RANBP2: variants seen among roughly 807,000 people sequenced by gnomAD.
The protein encoded by RANBP2 is RAN binding protein 2.
A neutral mutation model predicts 303.6 loss-of-function variants in RANBP2; 57 were observed. That is an observed-to-expected ratio of 0.19 (90% CI 0.15 to 0.23). RANBP2 has a LOEUF of 0.23. RANBP2 is among the 10% of genes least tolerant of loss of function. The pLI is 1.00. For synonymous variants in RANBP2, 1,167 were observed against 1,301.5 expected (o/e 0.90, Z 2.23); for missense variants, 3,138 against 3,780.8 (o/e 0.83, Z 4.46).
the RANBP2 span, chr2:108,794,513 A>C: frequency 6.4e-7 from 1 of 1,567,870 alleles, no homozygotes; most frequent in African/African-American, 1.4e-5. Context: ...AATAAAGTTT[A>C]TAATGCAAAT....
the RANBP2 span, among the ~76,000 whole-genome samples, chr2:109,403,415 G>T: frequency 1.9e-4 from 29 of 152,356 alleles, no homozygotes; most frequent in African/African-American, 6.3e-4. Flanking sequence ...CCACTTCAGA[G>T]ATGAGGAAGC....
the RANBP2 span, among the ~76,000 whole-genome samples, chr2:109,209,067 G>A: frequency 1.3e-5 from 2 of 152,174 alleles, no homozygotes; most frequent in Admixed American, 1.3e-4. Flanking sequence ...CCAACTTTCC[G>A]TGGCAGCCAG....
chr2:109,589,684 G>A, the RANBP2 span, among the ~76,000 whole-genome samples: 1 of 151,980 alleles, frequency 6.6e-6, no homozygotes, highest in South Asian at 2.1e-4. Flanking sequence ...CAGTTGCTTT[G>A]GAAACTAGCT....
At chr2:109,695,836 T>C in the RANBP2 span, among the ~76,000 whole-genome samples, 12 of 152,232 alleles carry the variant, frequency 7.9e-5, no homozygotes, top group African/African-American at 2.9e-4. Flanking sequence ...CCAAAAAGGT[T>C]TTTTTTGTTG....
At chr2:109,624,446 A>G in the RANBP2 span, among the ~76,000 whole-genome samples, 1 of 152,158 alleles carries the variant, frequency 6.6e-6, no homozygotes, top group Non-Finnish European at 1.5e-5. Context: ...TGATTTCACT[A>G]CTAGAGTGTT....
chr2:108,984,190 A>C, the RANBP2 span, among the ~76,000 whole-genome samples: 1 of 151,960 alleles, frequency 6.6e-6, no homozygotes, highest in African/African-American at 2.4e-5. Flanking sequence ...CTCTCCTGCC[A>C]CCCTTCCTGC....
Position 108,768,485 on chromosome 2 carries a change from A to C in RANBP2, c.7849+97A>C, listed in dbSNP as rs1677269664. 4 of 1,596,044 alleles carry C rather than the reference A, an allele frequency of 2.5e-6. No homozygotes were observed. The African/African-American group carries it at 5.4e-5, about 21-fold the overall frequency. ...GTAGGATACTAATGTTGGGATATAA[A>C]TGATGCTTTGTGAACACCCCCAAAA... On this transcript the variant is annotated intron_variant, in intron 20 of 28. Transcript: ENST00000283195.
the RANBP2 span, among the ~76,000 whole-genome samples, chr2:109,052,509 A>G: frequency 6.6e-6 from 1 of 152,232 alleles, no homozygotes; most frequent in East Asian, 1.9e-4. Context: ...GAAAGCAGCA[A>G]ACAAACCAAT....
chr2:109,258,973 A>G, the RANBP2 span, among the ~76,000 whole-genome samples: 2 of 152,148 alleles, frequency 1.3e-5, no homozygotes, highest in South Asian at 2.1e-4. Flanking sequence ...GGGCATCCGC[A>G]TGCCCTCTCT....
chr2:109,521,759 G>T, the RANBP2 span, among the ~76,000 whole-genome samples: 1 of 152,202 alleles, frequency 6.6e-6, no homozygotes, highest in Non-Finnish European at 1.5e-5. Context: ...AGTCCCCTGA[G>T]CAAAGCCTAG....
the RANBP2 span, among the ~76,000 whole-genome samples, chr2:109,204,701 C>T: frequency 1.3e-5 from 2 of 152,192 alleles, no homozygotes; most frequent in Admixed American, 6.5e-5. Flanking sequence ...TTCTAGCAGT[C>T]TCTTACTTTG....
chr2:109,209,658 T>C, the RANBP2 span, among the ~76,000 whole-genome samples: 1 of 152,144 alleles, frequency 6.6e-6, no homozygotes, highest in Non-Finnish European at 1.5e-5. Flanking sequence ...AGTCGACTGC[T>C]CCTCTGGCAA....
the RANBP2 span, among the ~76,000 whole-genome samples, chr2:109,747,743 C>CAA: frequency 2.1e-4 from 24 of 113,838 alleles, no homozygotes; most frequent in Admixed American, 1.2e-3. Flanking sequence ...AACCCTGTCT[C>CAA]AAAAAAAAAA....
the RANBP2 span, among the ~76,000 whole-genome samples, chr2:109,453,832 CA>C: frequency 6.6e-6 from 1 of 152,172 alleles, no homozygotes; most frequent in African/African-American, 2.4e-5. Context: ...CAGCCCAGGT[CA>C]GGGGAGACTT....
chr2:109,274,864 G>T, the RANBP2 span, among the ~76,000 whole-genome samples: 1 of 151,024 alleles, frequency 6.6e-6, no homozygotes, highest in Non-Finnish European at 1.5e-5. Context: ...ATGTAAAATT[G>T]TCCCCACCAT....
the RANBP2 span, among the ~76,000 whole-genome samples, chr2:109,382,140 G>A: frequency 6.6e-6 from 1 of 152,180 alleles, no homozygotes; most frequent in African/African-American, 2.4e-5. Flanking sequence ...TAAATCAGAG[G>A]GGTCTGATAG....
the RANBP2 span, among the ~76,000 whole-genome samples, chr2:108,977,369 C>T: frequency 2.6e-5 from 4 of 152,136 alleles, no homozygotes; most frequent in Non-Finnish European, 4.4e-5. Flanking sequence ...CCCGGGTTCA[C>T]GCCATTCTCC....
Position 108,766,260 on chromosome 2 carries a change from T to C in RANBP2, c.5721T>C (p.Asn1907=), listed in dbSNP as rs987159630. The part of the protein sequence containing the change: ...GFKFGISEPG[N]QEKKSEKPLE... Reference sequence around the variant, plus strand: ...AATTTGGCATTTCGGAACCAGGAAATCAAGAAAAGAAAAGTGAAAAGCCTC... The same window carrying C: ...AATTTGGCATTTCGGAACCAGGAAACCAAGAAAAGAAAAGTGAAAAGCCTC... The change falls in exon 20 of 29, where the codon AAT becomes AAC. Residue 1907 remains asparagine, a synonymous_variant. Transcript: ENST00000283195. 3 of 1,611,964 alleles carry C rather than the reference T, an allele frequency of 1.9e-6. No individual in the cohort carries two copies. The highest frequency in any genetic ancestry group is 2.7e-5 in the African/African-American group (2 of 74,822).
chr2:109,676,186 C>T, the RANBP2 span, among the ~76,000 whole-genome samples: 3 of 152,326 alleles, frequency 2.0e-5, no homozygotes, highest in South Asian at 2.1e-4. Context: ...CATACCCATG[C>T]GCTGGGAGAA....
Sources: allele counts gnomAD v4.1 joint callset (sites outside exome capture counted in the v4.1 genomes callset), GRCh38; gene constraint gnomAD v4.1.1; transcripts MANE v1.5; gene names NCBI Gene and HGNC (gene_info 2026-07-23, HGNC 2026-07-21).